Variants in DNAH5 observed in about 807,000 individuals in gnomAD.
DNAH5 encodes the protein axonemal beta dynein heavy chain 5.
Under a neutral mutation model 518.2 loss-of-function variants are expected in DNAH5, and 372 were observed. The ratio of observed to expected loss-of-function variants is 0.72; its 90% CI spans 0.66 to 0.78. The LOEUF (loss-of-function observed/expected upper bound fraction) is 0.78. DNAH5 is among the 30% of genes least tolerant of loss of function. The probability of loss-of-function intolerance (pLI) is 0.00; values close to 1 mark genes in which losing one functional copy is unlikely to be tolerated. For synonymous variants in DNAH5, 2,039 were observed against 2,025.9 expected (o/e 1.01, Z -0.17); for missense variants, 5,523 against 5,687.0 (o/e 0.97, Z 0.93).
intron 1 of DNAH5, among the ~76,000 whole-genome samples, chr5:13,974,627 C>T (rs2152060367): frequency 6.6e-6 from 1 of 152,274 alleles, no homozygotes; most frequent in South Asian, 2.1e-4. Flanking sequence ...TCTCTATGTC[C>T]TTCATGCCCA....
At chr5:13,962,398 G>A (rs1414768931) in intron 1 of DNAH5, among the ~76,000 whole-genome samples, 2 of 152,116 alleles carry the variant, frequency 1.3e-5, no homozygotes, top group Non-Finnish European at 2.9e-5. Flanking sequence ...TCAATATGCT[G>A]CAATTTTAGC....
intron 34 of DNAH5, among the ~76,000 whole-genome samples, chr5:13,840,123 G>A (rs537511711): frequency 1.0e-4 from 13 of 125,284 alleles, no homozygotes; most frequent in Non-Finnish European, 2.0e-4. Context: ...AAATTAGCCT[G>A]AGCCCTTTAT....
Position 13,753,350 on chromosome 5 carries a change from G to A in DNAH5, c.10755C>T (p.Asp3585=). 6.2e-7 allele frequency: 1 copy of A among 1,613,828 alleles called. No individual in the cohort carries two copies. ...CAATAATTCCATTTTGAATGGACAA[G>A]TCATCATTTGGCAGACCTTGGAGGT... The part of the protein sequence containing the change: ...EWNLQGLPND[D]LSIQNGIIVT... The change falls in exon 63 of 79, where the codon GAC becomes GAT. Residue 3585 remains aspartate (D), a synonymous_variant. Coordinates refer to ENST00000265104, the MANE Select transcript of DNAH5 (RefSeq NM_001369.3).
intron 1 of DNAH5, among the ~76,000 whole-genome samples, chr5:13,966,931 A>G (rs894500503): frequency 6.6e-6 from 1 of 152,108 alleles, no homozygotes; most frequent in Non-Finnish European, 1.5e-5. Flanking sequence ...GTGTGATCTC[A>G]GCTCACTGCA....
chr5:13,775,246 T>G (rs1294639683), intron 55 of DNAH5, among the ~76,000 whole-genome samples: 1 of 152,066 alleles, frequency 6.6e-6, no homozygotes, highest in Non-Finnish European at 1.5e-5. Context: ...AGAACTGTGC[T>G]GTAAATTTAT....
Position 13,841,725 on chromosome 5 carries a change from T to C in DNAH5, c.5451A>G (p.Gln1817=), listed in dbSNP as rs753056743. 1 of 1,613,926 alleles carries C rather than the reference T, an allele frequency of 6.2e-7. No individual in the cohort carries two copies. The highest frequency in any genetic ancestry group is 1.1e-5 in the South Asian group (1 of 91,070). ...GGAAGGATGAAAGAAATTCAGTTAG[T>C]TGGAAACCTGTTTCTTGAATATTTG... is the stretch of plus-strand genomic sequence containing the variant. ...AAANIQETGF[Q]LTEFLSSFPA... The change falls in exon 33 of 79, where the codon CAA becomes CAG. Residue 1817 remains glutamine (Q), a synonymous_variant. Transcript: ENST00000265104.
At position 13,963,744 on chromosome 5, in the gene DNAH5, A is replaced by G. The variant is rs565321515; in HGVS notation, c.13-32500T>C. 7.9e-5 allele frequency among the ~76,000 whole-genome samples: 12 copies of G among 152,196 alleles called. No homozygotes were observed. The South Asian group carries it at 2.5e-3, about 32-fold the overall frequency. Reference sequence around the variant, plus strand: ...TCTCCCCACTACCCCCCTCCTCCACAGTGGCACTATCATAGCTCACTACAG... The same window carrying G: ...TCTCCCCACTACCCCCCTCCTCCACGGTGGCACTATCATAGCTCACTACAG... On this transcript the variant is annotated intron_variant, in intron 1 of 78. Coordinates refer to the DNAH5 transcript ENST00000681290.
chr5:13,695,421 T>G (rs73046192), intron 78 of DNAH5, among the ~76,000 whole-genome samples: 6,112 of 152,216 alleles, frequency 0.04, 396 homozygotes, highest in African/African-American at 0.13. Flanking sequence ...AACTCAGGAC[T>G]TCGATATTCA....
rs765029802 is a variant in DNAH5, at chr5:13,776,701, A to G, written c.9111T>C (p.Ser3037=). 8.7e-6 allele frequency: 14 copies of G among 1,613,630 alleles called. No homozygotes were observed. In the South Asian group the frequency reaches 1.2e-4, roughly 14 times the overall value. Residue 3037 remains serine, a synonymous_variant, in exon 55 of 79, where the codon TCT becomes TCC. Transcript: ENST00000265104. ...CAATTTCATCTCGAGCAAATAGGTT[A>G]GAGACCTTAAAAAGAAGTACAGGCA... ...MNNVLSSGEV[S]NLFARDEIDE...
rs1768618878 is a variant in DNAH5 at position 13,862,629 on chromosome 5, A to C, written c.4715T>G (p.Leu1572Arg). ...TTCCGAGGTACTGTCTCCTCTCAAG[A>C]GGAGCTCTCCACGGGTTTTAAAGCT... ...FGSFKTRGELLLRGDSTSEII... is the reference protein window; with the variant it reads ...FGSFKTRGELRLRGDSTSEII... Residue 1572 changes from leucine to arginine, a missense_variant, in exon 29 of 79, where the codon CTC becomes CGC. Physicochemically the swap from Leu to Arg is moderately radical, Grantham distance 102. Transcript: ENST00000265104. The C allele has an allele frequency of 6.2e-7, 1 of 1,613,806 alleles. No homozygotes were observed. The highest frequency in any genetic ancestry group is 8.5e-7 in the Non-Finnish European group (1 of 1,179,936).
chr5:13,763,835 G>A (rs537645089), intron 59 of DNAH5, among the ~76,000 whole-genome samples: 2 of 152,328 alleles, frequency 1.3e-5, no homozygotes, highest in East Asian at 3.9e-4. Context: ...GCAAGGGAGA[G>A]TCCAAGAGCA....
intron 32 of DNAH5, among the ~76,000 whole-genome samples, chr5:13,843,385 G>A (rs2151866897): frequency 6.6e-6 from 1 of 152,170 alleles, no homozygotes; most frequent in African/African-American, 2.4e-5. Context: ...TAATGCACCT[G>A]GCCTTTGGAA....
chr5:13,751,306 C>A (rs752663696), intron 64 of DNAH5, 46 bp from the exon 65 acceptor site: 4 of 1,468,064 alleles, frequency 2.7e-6, no homozygotes, highest in Admixed American at 1.9e-5. Flanking sequence ...AGAGATATAC[C>A]TTACTGTGTC....
At chr5:13,982,764 T>C (rs1782781527) in intron 1 of DNAH5, among the ~76,000 whole-genome samples, 1 of 152,222 alleles carries the variant, frequency 6.6e-6, no homozygotes, top group Non-Finnish European at 1.5e-5. Flanking sequence ...TTCATCATCA[T>C]TTTGGTTTCC....
In DNAH5 at chr5:13,815,894, T is replaced by C. The variant is rs955187663; in HGVS notation, c.6989-1048A>G. On this transcript the variant is annotated intron_variant, in intron 42 of 78. Coordinates refer to ENST00000265104, the MANE Select transcript of DNAH5 (RefSeq NM_001369.3). The stretch of plus-strand genomic sequence containing the variant: ...ATTTAAAGCTGTGGGACTGGGTAAG[T>C]TTCTTCTAGATAAGTGTGGAGAGAG... 6.8e-4 allele frequency among the ~76,000 whole-genome samples: 103 copies of C among 152,282 alleles called. 1 individual carries two copies. The highest frequency in any genetic ancestry group is 2.3e-3 in the African/African-American group (96 of 41,568).
intron 65 of DNAH5, among the ~76,000 whole-genome samples, chr5:13,747,907 C>A (rs1453918152): frequency 6.6e-6 from 1 of 152,122 alleles, no homozygotes; most frequent in Non-Finnish European, 1.5e-5. Context: ...TCAATTTTGG[C>A]TTTTGTTGCC....
At position 13,824,409 on chromosome 5, in the gene DNAH5, T is replaced by A. The variant is rs111260982; in HGVS notation, c.6445-76A>T. On this transcript the variant is annotated intron_variant, in intron 38 of 78. Coordinates refer to ENST00000265104, the MANE Select transcript of DNAH5 (RefSeq NM_001369.3). ...AGAAGCCATATGAATCTGACAGAAA[T>A]TATATTCACAATAATGAATAAATGC... 440 of 1,398,958 alleles carry A rather than the reference T, an allele frequency of 3.1e-4. 5 individuals carry two copies. The African/African-American group carries it at 5.2e-3, about 16-fold the overall frequency. 86.7% of individuals were successfully genotyped at this position (1,398,958 alleles called of 1,614,324 possible).
chr5:13,955,192 G>A (rs973486851), intron 1 of DNAH5, among the ~76,000 whole-genome samples: 2 of 152,128 alleles, frequency 1.3e-5, no homozygotes, highest in Non-Finnish European at 2.9e-5. Context: ...GTTTAAAAGT[G>A]TGTGGCACTT....
rs755558938 is a variant in DNAH5, at chr5:13,876,739, T to C, written c.3341A>G (p.Lys1114Arg). Reference protein sequence around the residue: ...KNYYKNVSENKEIVKLVSVLS... With the variant: ...KNYYKNVSENREIVKLVSVLS... ...CACAGAAACTAATTTTACAATCTCT[T>C]TGTTTTCAGAAACATTCTTATAATA... is the stretch of plus-strand genomic sequence containing the variant. The change falls in exon 22 of 79, where the codon AAA (lysine) becomes AGA (arginine). Residue 1114 changes from lysine to arginine, a missense_variant. Lys to Arg is a conservative substitution (Grantham distance 26, BLOSUM62 2). Coordinates refer to ENST00000265104, the MANE Select transcript of DNAH5 (RefSeq NM_001369.3). The C allele has an allele frequency of 2.5e-6, 4 of 1,613,964 alleles. No individual in the cohort carries two copies. Among genetic ancestry groups the C allele is most frequent in the Non-Finnish European group, 2.5e-6 (3 of 1,179,864 alleles).
Sources: allele counts gnomAD v4.1 joint callset (sites outside exome capture counted in the v4.1 genomes callset), GRCh38; gene constraint gnomAD v4.1.1; transcripts MANE v1.5; gene names NCBI Gene and HGNC (gene_info 2026-07-23, HGNC 2026-07-21).